Variants in CAST observed in about 807,000 individuals in gnomAD.
CAST encodes MIR583 host.
Under a neutral mutation model 119.6 loss-of-function variants are expected in CAST, and 76 were observed. The ratio of observed to expected loss-of-function variants is 0.64; its 90% CI spans 0.53 to 0.77. CAST has a LOEUF of 0.77. Among genes scored for constraint, CAST ranks in the 30% least tolerant of loss-of-function variants. The pLI, the probability that CAST is intolerant of heterozygous loss-of-function variation, is 0.00. For synonymous variants in CAST, 319 were observed against 331.6 expected, an observed-to-expected ratio of 0.96 and a Z score of 0.41; for missense variants, 953 against 946.5, an observed-to-expected ratio of 1.01 and a Z score of -0.09.
chr5:96,146,489 G>C, the CAST span, among the ~76,000 whole-genome samples: 1 of 152,238 alleles, frequency 6.6e-6, no homozygotes, highest in Non-Finnish European at 1.5e-5. Context: ...AAGTCTTCAG[G>C]TGATGCTGAT....
At chr5:96,297,097 C>T in the CAST span, among the ~76,000 whole-genome samples, 10 of 152,218 alleles carry the variant, frequency 6.6e-5, no homozygotes. Context: ...TTTTAATGCA[C>T]AAGATAGAAA....
At chr5:95,965,845 A>G in the CAST span, among the ~76,000 whole-genome samples, 1,077 of 152,358 alleles carry the variant, frequency 7.1e-3, 7 homozygotes, top group Non-Finnish European at 0.012. Flanking sequence ...AGATTTTGTT[A>G]TGTAAATACA....
At chr5:96,297,393 T>G in the CAST span, among the ~76,000 whole-genome samples, 1 of 152,232 alleles carries the variant, frequency 6.6e-6, no homozygotes, top group East Asian at 1.9e-4. Flanking sequence ...TTCCTCCATA[T>G]CCAACCAGAT....
chr5:96,296,555 A>G, the CAST span, among the ~76,000 whole-genome samples: 43 of 152,346 alleles, frequency 2.8e-4, no homozygotes, highest in Admixed American at 8.5e-4. Context: ...CTCAGATTAT[A>G]GAGGATAGGT....
chr5:96,385,712 A>T, the CAST span, among the ~76,000 whole-genome samples: 4,966 of 152,322 alleles, frequency 0.033, 295 homozygotes, highest in African/African-American at 0.11. Context: ...TACTCTGTTC[A>T]TGGAGCAGAA....
the CAST span, among the ~76,000 whole-genome samples, chr5:96,132,849 C>T: frequency 6.6e-6 from 1 of 152,116 alleles, no homozygotes; most frequent in Non-Finnish European, 1.5e-5. Context: ...GTTTTATGAG[C>T]AATCTTGAAG....
At position 96,629,681 on chromosome 5, in the gene CAST, C is replaced by A. The variant is rs759806874; in HGVS notation, c.61-45858C>A. 9.8e-5 allele frequency among the ~76,000 whole-genome samples: 15 copies of A among 152,336 alleles called. 1 individual carries two copies. The highest frequency in any genetic ancestry group is 2.1e-4 in the South Asian group (1 of 4,832). Reference sequence around the variant, plus strand: ...TTATATCTCAATCTTTCCTTCCAATCTCATTCTTTAACCCTCCCTATCAGC... The same window carrying A: ...TTATATCTCAATCTTTCCTTCCAATATCATTCTTTAACCCTCCCTATCAGC... On this transcript the variant is annotated intron_variant, in intron 1 of 11. Coordinates refer to the CAST transcript ENST00000505143.
the CAST span, among the ~76,000 whole-genome samples, chr5:96,046,776 G>A: frequency 9.4e-4 from 143 of 152,322 alleles, no homozygotes; most frequent in Admixed American, 1.7e-3. Context: ...AGTTCCACAT[G>A]GCTGGGGAGG....
At chr5:96,690,377 A>G (rs1423170291) in intron 2 of CAST, among the ~76,000 whole-genome samples, 2 of 151,968 alleles carry the variant, frequency 1.3e-5, no homozygotes, top group African/African-American at 2.4e-5. Flanking sequence ...GGTTACAGAC[A>G]TGCGCCATTA....
the CAST span, among the ~76,000 whole-genome samples, chr5:96,327,254 C>T: frequency 3.3e-5 from 5 of 152,266 alleles, no homozygotes; most frequent in South Asian, 2.1e-4. Context: ...TACAGTTTTT[C>T]GCATATAGTG....
the CAST span, among the ~76,000 whole-genome samples, chr5:96,429,519 C>T: frequency 1.3e-5 from 2 of 152,048 alleles, no homozygotes; most frequent in Non-Finnish European, 2.9e-5. Flanking sequence ...ACTTGTGTCA[C>T]GGGGTATTTT....
At chr5:95,965,115 T>C in the CAST span, 1 of 152,258 alleles carries the variant, frequency 6.6e-6, no homozygotes, top group Non-Finnish European at 1.5e-5. Flanking sequence ...GCAGATACAA[T>C]GTCATAGGGA....
At chr5:96,393,225 G>T in the CAST span, 14 of 1,614,066 alleles carry the variant, frequency 8.7e-6, no homozygotes, top group Non-Finnish European at 1.2e-5. Context: ...TGCTTTGGCG[G>T]TGAGTTTTTA....
At chr5:96,481,558 T>C in the CAST span, among the ~76,000 whole-genome samples, 1 of 152,182 alleles carries the variant, frequency 6.6e-6, no homozygotes, top group Admixed American at 6.5e-5. Flanking sequence ...CATGTTTCAG[T>C]CTAGTCATAG....
upstream of CAST, among the ~76,000 whole-genome samples, chr5:96,661,570 C>A (rs1748488095): frequency 6.6e-6 from 1 of 152,160 alleles, no homozygotes; most frequent in Admixed American, 6.6e-5. Flanking sequence ...GATTGTGAAC[C>A]AGCAGCAACT....
At chr5:96,231,335 A>G in the CAST span, among the ~76,000 whole-genome samples, 1 of 152,186 alleles carries the variant, frequency 6.6e-6, no homozygotes, top group East Asian at 1.9e-4. Context: ...ATGCTACAAC[A>G]TGGATGAACC....
At chr5:96,069,375 G>GTCTA in the CAST span, among the ~76,000 whole-genome samples, 1,927 of 137,406 alleles carry the variant, frequency 0.014, 44 homozygotes, top group African/African-American at 0.045. Flanking sequence ...GTGTGTGTGT[G>GTCTA]TGTGTGTCTA....
chr5:96,575,627 C>T (rs1025499661), intron 1 of CAST, among the ~76,000 whole-genome samples: 8 of 150,958 alleles, frequency 5.3e-5, no homozygotes, highest in Non-Finnish European at 1.0e-4. Context: ...TTTTCAAATG[C>T]TTTTACAATT....
the CAST span, among the ~76,000 whole-genome samples, chr5:96,469,135 G>A: frequency 0.061 from 9,318 of 152,118 alleles, 830 homozygotes; most frequent in East Asian, 0.41. Flanking sequence ...ATTCATTCAC[G>A]AGTATTGAGT....
Sources: allele counts gnomAD v4.1 joint callset (sites outside exome capture counted in the v4.1 genomes callset), GRCh38; gene constraint gnomAD v4.1.1; transcripts MANE v1.5; gene names NCBI Gene and HGNC (gene_info 2026-07-23, HGNC 2026-07-21).